SIK2: variants seen among roughly 807,000 people sequenced by gnomAD.
SIK2 encodes serine/threonine-protein kinase SIK2.
A neutral mutation model predicts 103.2 loss-of-function variants in SIK2; 29 were observed. The ratio of observed to expected loss-of-function variants is 0.28; its 90% confidence interval spans 0.21 to 0.38. The LOEUF is 0.38. Among genes scored for constraint, SIK2 ranks in the 10% least tolerant of loss-of-function variants. SIK2 has a pLI of 1.00. For synonymous variants in SIK2, 412 were observed against 446.1 expected (o/e 0.92, Z 0.96); for missense variants, 879 against 1,171.0 (o/e 0.75, Z 3.64).
chr11:111,612,821 T>C (rs995066457), intron 1 of SIK2, among the ~76,000 whole-genome samples: 1 of 151,714 alleles, frequency 6.6e-6, no homozygotes, highest in Admixed American at 6.6e-5. Flanking sequence ...AGAGTTCCCA[T>C]GTTACAAGGA....
chr11:111,640,895 C>T lies in SIK2; in HGVS notation c.316+20493C>T, dbSNP rs372279711. ...GACTACAGGCCCCCGCTACCACCCTCGGCTAATTTTTTGTATTTTTAGTAG... is the reference window on the plus strand; with the variant it reads ...GACTACAGGCCCCCGCTACCACCCTTGGCTAATTTTTTGTATTTTTAGTAG... On this transcript the variant is annotated intron_variant, in intron 3 of 14. Coordinates refer to ENST00000304987, the MANE Select transcript of SIK2 (RefSeq NM_015191.3). Among the ~76,000 whole-genome samples the T allele has an allele frequency of 1.8e-4, 27 of 151,850 alleles. No homozygotes were observed. The East Asian group carries it at 2.5e-3, about 14-fold the overall frequency.
chr11:111,675,720 C>A (rs2135884015), intron 3 of SIK2, among the ~76,000 whole-genome samples: 1 of 152,296 alleles, frequency 6.6e-6, no homozygotes, highest in East Asian at 1.9e-4. Flanking sequence ...AATCTGTATT[C>A]TTGGGTTCCC....
chr11:111,669,595 GA>G (rs909034327), intron 3 of SIK2, among the ~76,000 whole-genome samples: 1 of 46,548 alleles, frequency 2.1e-5, no homozygotes, highest in Admixed American at 2.9e-4. Flanking sequence ...TTTTAAAAAA[GA>G]AAAAAAAAGA....
Position 111,724,178 on chromosome 11 carries a change from C to T in SIK2, c.*49C>T. On this transcript the variant is annotated 3_prime_UTR_variant, in exon 15 of 15. Coordinates refer to ENST00000304987, the MANE Select transcript of SIK2 (RefSeq NM_015191.3). ...GTCAGGTGAAGGAAGAGTGTATGTTCCTATTTTTATTCCAGCCTTTTAAAT... is the reference window on the plus strand; with the variant it reads ...GTCAGGTGAAGGAAGAGTGTATGTTTCTATTTTTATTCCAGCCTTTTAAAT... 6.4e-7 allele frequency: 1 copy of T among 1,550,484 alleles called. No individual in the cohort carries two copies. Among genetic ancestry groups the T allele is most frequent in the East Asian group, 2.3e-5 (1 of 44,200 alleles).
At chr11:111,606,825 A>C (rs1397371842) in intron 1 of SIK2, among the ~76,000 whole-genome samples, 1 of 152,064 alleles carries the variant, frequency 6.6e-6, no homozygotes, top group Non-Finnish European at 1.5e-5. Flanking sequence ...TAAAAGTATA[A>C]ATAGGAGGCC....
At chr11:111,693,757 CT>C (rs1943004105) in intron 4 of SIK2, among the ~76,000 whole-genome samples, 1 of 152,156 alleles carries the variant, frequency 6.6e-6, no homozygotes, top group Non-Finnish European at 1.5e-5. Flanking sequence ...ATTATTTACA[CT>C]TTCTAGGCCT....
chr11:111,645,698 C>T (rs1942246170), intron 3 of SIK2, among the ~76,000 whole-genome samples: 1 of 151,920 alleles, frequency 6.6e-6, no homozygotes, highest in African/African-American at 2.4e-5. Flanking sequence ...GCCTGTAATC[C>T]CAGCTACTTG....
chr11:111,671,734 C>A, intron 3 of SIK2: 1 of 402,452 alleles, frequency 2.5e-6, no homozygotes, highest in South Asian at 2.2e-5. Context: ...TCTCATCAGT[C>A]AACCCTTCCA....
At chr11:111,672,236 A>AGACC (rs1404265668) in intron 3 of SIK2, 1 of 365,954 alleles carries the variant, frequency 2.7e-6, no homozygotes, top group African/African-American at 2.1e-5. Flanking sequence ...GCCTCCACTC[A>AGACC]GACCTATGCT....
intron 3 of SIK2, among the ~76,000 whole-genome samples, chr11:111,634,276 T>G (rs1417164767): frequency 1.3e-5 from 2 of 152,176 alleles, no homozygotes; most frequent in Non-Finnish European, 2.9e-5. Context: ...CCAAAATACC[T>G]TTGGACACTG....
chr11:111,643,755 G>A (rs1942214695), intron 3 of SIK2, among the ~76,000 whole-genome samples: 1 of 151,466 alleles, frequency 6.6e-6, no homozygotes, highest in African/African-American at 2.4e-5. Flanking sequence ...AGAGGTTGCA[G>A]TGAGCCAAGA....
intron 2 of SIK2, among the ~76,000 whole-genome samples, chr11:111,616,840 A>G (rs1430573375): frequency 1.3e-5 from 2 of 152,174 alleles, no homozygotes; most frequent in African/African-American, 4.8e-5. Flanking sequence ...CTTAAAAAAA[A>G]AAAGAAGTTT....
chr11:111,624,471 G>A (rs933461502), intron 3 of SIK2, among the ~76,000 whole-genome samples: 8 of 152,154 alleles, frequency 5.3e-5, no homozygotes, highest in Non-Finnish European at 1.2e-4. Context: ...CTTTGGGCAG[G>A]TTTCTTTCCT....
In SIK2 at chr11:111,661,729, C is replaced by T. The variant is rs536375203; in HGVS notation, c.317-26272C>T. Among the ~76,000 whole-genome samples, 18 of 152,236 alleles carry T rather than the reference C, an allele frequency of 1.2e-4. 1 individual carries two copies. Among genetic ancestry groups the T allele is most frequent in the African/African-American group, 2.4e-4 (10 of 41,550 alleles). On this transcript the variant is annotated intron_variant, in intron 3 of 14. Transcript: ENST00000304987. Reference sequence around the variant, plus strand: ...GAGGCCTTACAATCATGGCAGAAGGCGAAGGAGGAGCAAAGGCACATCTTA... The same window carrying T: ...GAGGCCTTACAATCATGGCAGAAGGTGAAGGAGGAGCAAAGGCACATCTTA...
intron 3 of SIK2, among the ~76,000 whole-genome samples, chr11:111,676,600 A>G (rs1367424981): frequency 1.3e-5 from 2 of 152,242 alleles, no homozygotes; most frequent in Non-Finnish European, 2.9e-5. Context: ...AGAAAGAAGT[A>G]AAAGAGATAT....
chr11:111,714,981 G>A (rs958250750), intron 9 of SIK2, among the ~76,000 whole-genome samples: 5 of 152,228 alleles, frequency 3.3e-5, no homozygotes, highest in Non-Finnish European at 5.9e-5. Flanking sequence ...GAGGGCATCA[G>A]GCCTAAAACA....
At chr11:111,661,738 A>G (rs1338053410) in intron 3 of SIK2, among the ~76,000 whole-genome samples, 1 of 152,340 alleles carries the variant, frequency 6.6e-6, no homozygotes, top group African/African-American at 2.4e-5. Context: ...GCGAAGGAGG[A>G]GCAAAGGCAC....
chr11:111,624,338 T>C (rs1197237013), intron 3 of SIK2, among the ~76,000 whole-genome samples: 1 of 152,236 alleles, frequency 6.6e-6, no homozygotes, highest in Non-Finnish European at 1.5e-5. Context: ...CTTATTTTAA[T>C]TCTTAAAATA....
At chr11:111,676,587 TAAAG>T (rs1942706576) in intron 3 of SIK2, among the ~76,000 whole-genome samples, 1 of 152,202 alleles carries the variant, frequency 6.6e-6, no homozygotes. Flanking sequence ...CTGAAGAACT[TAAAG>T]AAAGAAGTAA....
Sources: allele counts gnomAD v4.1 joint callset (sites outside exome capture counted in the v4.1 genomes callset), GRCh38; gene constraint gnomAD v4.1.1; transcripts MANE v1.5; gene names NCBI Gene and HGNC (gene_info 2026-07-23, HGNC 2026-07-21).